Variants in KLRG1 observed in about 807,000 individuals in gnomAD.
KLRG1 encodes killer cell lectin like receptor G1, also known as killer cell lectin-like receptor subfamily G member 1.
In KLRG1, 16 loss-of-function variants were observed where a neutral mutation model predicts 21.8. That is an observed-to-expected ratio of 0.73 (90% CI 0.50 to 1.11). The LOEUF (loss-of-function observed/expected upper bound fraction) is 1.11. KLRG1 is among the 50% of genes most tolerant of loss of function. KLRG1 has a pLI of 0.00. For synonymous variants in KLRG1, 69 were observed against 75.9 expected, an observed-to-expected ratio of 0.91 and a Z score of 0.47; for missense variants, 173 against 218.3, an observed-to-expected ratio of 0.79 and a Z score of 1.31.
chr12:9,111,451 T>G, the KLRG1 span: 8 of 451,722 alleles, frequency 1.8e-5, no homozygotes, highest in Admixed American at 1.7e-4. Flanking sequence ...ATTGTAATGA[T>G]CTTATTTAGA....
chr12:9,079,526 G>A, the KLRG1 span: 1 of 1,110,738 alleles, frequency 9.0e-7, no homozygotes, highest in African/African-American at 1.6e-5. Context: ...TATCATAGCA[G>A]CTATCATAGT....
chr12:9,163,621 C>A, the KLRG1 span: 3 of 1,599,484 alleles, frequency 1.9e-6, no homozygotes, highest in East Asian at 2.2e-5. Context: ...AGTGACCGCC[C>A]GGTGTTGCAT....
At chr12:8,956,157 C>A (rs980327386) in intron 1 of KLRG1, among the ~76,000 whole-genome samples, 1 of 152,174 alleles carries the variant, frequency 6.6e-6, no homozygotes, top group African/African-American at 2.4e-5. Flanking sequence ...TCGGGACCTG[C>A]CGAACAGCGG....
At chr12:9,098,416 G>T in the KLRG1 span, 1 of 332,970 alleles carries the variant, frequency 3.0e-6, no homozygotes, top group Non-Finnish European at 5.0e-6. Flanking sequence ...TTTTTTAACT[G>T]CAGAAGTGAG....
chr12:9,134,257 A>G, the KLRG1 span, among the ~76,000 whole-genome samples: 24 of 152,258 alleles, frequency 1.6e-4, no homozygotes, highest in African/African-American at 5.3e-4. Flanking sequence ...TCCCCACCTC[A>G]AGTGCTTGAC....
At chr12:9,061,582 A>G in the KLRG1 span, among the ~76,000 whole-genome samples, 766 of 152,300 alleles carry the variant, frequency 5.0e-3, 11 homozygotes, top group African/African-American at 0.017. Context: ...GAGAGGCTTA[A>G]GTAGAAGGAT....
At chr12:9,067,461 C>T in the KLRG1 span, 1 of 292,528 alleles carries the variant, frequency 3.4e-6, no homozygotes, top group African/African-American at 2.2e-5. Flanking sequence ...AAAATTCACC[C>T]TTTGGGTTTT....
At chr12:8,958,633 G>A (rs1446794766) in intron 1 of KLRG1, among the ~76,000 whole-genome samples, 1 of 151,664 alleles carries the variant, frequency 6.6e-6, no homozygotes, top group Non-Finnish European at 1.5e-5. Context: ...GAGATGGGAG[G>A]ATCACTTGGG....
upstream of KLRG1, chr12:8,989,508 A>ATTACTTC: frequency 1.6e-6 from 1 of 629,564 alleles, no homozygotes; most frequent in East Asian, 3.0e-5. Context: ...TTCCTGAAAA[A>ATTACTTC]TTACTTCTGC....
chr12:9,112,283 A>G, the KLRG1 span: 2 of 1,607,098 alleles, frequency 1.2e-6, no homozygotes, highest in South Asian at 1.1e-5. Flanking sequence ...CAAGCTATTA[A>G]GGAACCAAGA....
At chr12:9,174,127 C>A in the KLRG1 span, among the ~76,000 whole-genome samples, 5 of 152,176 alleles carry the variant, frequency 3.3e-5, no homozygotes, top group Non-Finnish European at 5.9e-5. Context: ...AGCTTATCCA[C>A]CACAACCAAG....
chr12:9,206,823 G>A, the KLRG1 span, among the ~76,000 whole-genome samples: 1 of 152,068 alleles, frequency 6.6e-6, no homozygotes, highest in Admixed American at 6.6e-5. Context: ...ATGGCAGCAT[G>A]GTCCAATGTA....
the KLRG1 span, among the ~76,000 whole-genome samples, chr12:9,036,039 G>A: frequency 6.6e-6 from 1 of 152,120 alleles, no homozygotes; most frequent in African/African-American, 2.4e-5. Flanking sequence ...TGTCTATTGG[G>A]TACTGTGCTC....
At position 9,010,158 on chromosome 12, in the gene KLRG1, C is replaced by A. The variant is rs1947601409; in HGVS notation, c.*621C>A. 5 of 588,292 alleles carry A rather than the reference C, an allele frequency of 8.5e-6. No individual in the cohort carries two copies. Among genetic ancestry groups the A allele is most frequent in the Admixed American group, 3.2e-5 (1 of 31,738 alleles). 36.4% of individuals were successfully genotyped at this position (588,292 alleles called of 1,614,324 possible). A position where few individuals can be genotyped will look rare whatever the true frequency, so the allele number is the denominator to read the frequency against. ...CTATGATTGTGCCACTGTACTCCAG[C>A]CTGGGAGATAGAGCAAGACTCCATC... On this transcript the variant is annotated 3_prime_UTR_variant, in exon 5 of 5. Transcript: ENST00000356986.
chr12:8,957,620 TCTGCATAGCCAGCA>T (rs1191061571), intron 1 of KLRG1, among the ~76,000 whole-genome samples: 1 of 152,236 alleles, frequency 6.6e-6, no homozygotes, highest in African/African-American at 2.4e-5. Context: ...CTTTGGCATG[TCTGCATAGCCAGCA>T]TTACTACTCT....
chr12:9,089,237 C>T, the KLRG1 span: 3 of 1,588,362 alleles, frequency 1.9e-6, no homozygotes, highest in East Asian at 2.3e-5. Flanking sequence ...TTGTTTCCTT[C>T]TCTAGTCCTT....
At chr12:8,997,521 G>A (rs1327024132) in intron 3 of KLRG1, among the ~76,000 whole-genome samples, 4 of 152,206 alleles carry the variant, frequency 2.6e-5, no homozygotes, top group Admixed American at 2.0e-4. Flanking sequence ...AAAAAAGAGA[G>A]CTCTATGGAT....
At chr12:9,027,950 T>A in the KLRG1 span, 27 of 926,544 alleles carry the variant, frequency 2.9e-5, no homozygotes, top group African/African-American at 4.2e-4. Flanking sequence ...GCTTTGACAG[T>A]GCTTTCCTAA....
chr12:9,073,991 G>A, the KLRG1 span, among the ~76,000 whole-genome samples: 126 of 151,872 alleles, frequency 8.3e-4, 1 homozygote, highest in African/African-American at 2.9e-3. Flanking sequence ...GGGAGGCTGA[G>A]GCACTAGAAT....
Sources: allele counts gnomAD v4.1 joint callset (sites outside exome capture counted in the v4.1 genomes callset), GRCh38; gene constraint gnomAD v4.1.1; transcripts MANE v1.5; gene names NCBI Gene and HGNC (gene_info 2026-07-23, HGNC 2026-07-21).